The following DLGAP1 variants were observed in gnomAD, a reference collection of about 807,000 sequenced individuals.
DLGAP1 encodes DLG associated protein 1, also known as disks large-associated protein 1.
DLGAP1 carries 11 observed loss-of-function variants against 90.8 expected under a neutral mutation model. The observed-to-expected ratio is 0.12, with a 90% CI of 0.08 to 0.20. The LOEUF (loss-of-function observed/expected upper bound fraction) is 0.20, where lower values mean the gene tolerates loss of function less well. DLGAP1 is among the 10% of genes least tolerant of loss of function. DLGAP1 has a pLI of 1.00. For missense variants in DLGAP1, 1,050 were observed against 1,333.8 expected, an observed-to-expected ratio of 0.79 and a Z score of 3.31; for synonymous variants, 558 against 540.7, an observed-to-expected ratio of 1.03 and a Z score of -0.44.
chr18:3,725,684 A>G (rs2147402991), intron 7 of DLGAP1, among the ~76,000 whole-genome samples: 1 of 152,358 alleles, frequency 6.6e-6, no homozygotes, highest in South Asian at 2.1e-4. Context: ...TGCTTGAAGT[A>G]GATTACAGGC....
At chr18:3,718,697 G>T (rs561087258) in intron 7 of DLGAP1, among the ~76,000 whole-genome samples, 1 of 151,922 alleles carries the variant, frequency 6.6e-6, no homozygotes, top group Non-Finnish European at 1.5e-5. Context: ...GGGTCGAGGC[G>T]GGTGGATCGC....
intron 2 of DLGAP1, among the ~76,000 whole-genome samples, chr18:4,121,742 C>T (rs927586501): frequency 5.3e-5 from 8 of 152,192 alleles, no homozygotes; most frequent in African/African-American, 1.7e-4. Context: ...GCAGTGGTCC[C>T]TGTACCCATC....
At chr18:3,760,341 G>A (rs1371795839) in intron 5 of DLGAP1, among the ~76,000 whole-genome samples, 1 of 152,176 alleles carries the variant, frequency 6.6e-6, no homozygotes, top group Non-Finnish European at 1.5e-5. Context: ...GACCTGCCGA[G>A]TTCTGCTCCT....
At chr18:3,742,198 A>G (rs1287905107) in intron 6 of DLGAP1, 137 bp downstream of exon 6, 5 of 1,104,414 alleles carry the variant, frequency 4.5e-6, no homozygotes, top group South Asian at 1.6e-5. Context: ...TCTTTGCAGC[A>G]CTTGACTGGA....
intron 4 of DLGAP1, among the ~76,000 whole-genome samples, chr18:3,815,515 T>G: frequency 6.6e-6 from 1 of 152,202 alleles, no homozygotes; most frequent in East Asian, 1.9e-4. Context: ...GTCTGAATTG[T>G]TCCTTTCCTT....
chr18:3,873,544 A>T (rs1199470953), intron 4 of DLGAP1, among the ~76,000 whole-genome samples: 1 of 152,210 alleles, frequency 6.6e-6, no homozygotes, highest in Non-Finnish European at 1.5e-5. Flanking sequence ...ATTGCATGTA[A>T]AGTAGTTTTA....
At chr18:3,603,520 G>A (rs1475538064) in intron 7 of DLGAP1, 1 of 152,176 alleles carries the variant, frequency 6.6e-6, no homozygotes, top group Non-Finnish European at 1.5e-5. Context: ...TGATGGTCAA[G>A]AAAAGAGGCT....
intron 8 of DLGAP1, among the ~76,000 whole-genome samples, chr18:3,578,974 C>T (rs534631603): frequency 9.9e-5 from 15 of 152,210 alleles, no homozygotes; most frequent in Non-Finnish European, 1.3e-4. Context: ...GAGATAATGT[C>T]TCAAGTAAAA....
intron 5 of DLGAP1, among the ~76,000 whole-genome samples, chr18:3,782,335 C>T (rs1458453737): frequency 1.3e-5 from 2 of 152,168 alleles, no homozygotes; most frequent in Non-Finnish European, 1.5e-5. Flanking sequence ...CGGGGTTTCA[C>T]CATGTTGGTC....
chr18:3,714,664 T>A (rs994607563), intron 7 of DLGAP1, among the ~76,000 whole-genome samples: 1 of 106,254 alleles, frequency 9.4e-6, no homozygotes, highest in Non-Finnish European at 1.9e-5. Context: ...TTTTTTTTTT[T>A]AGAGGGAGTC....
At chr18:4,341,315 C>T (rs549027651) in intron 1 of DLGAP1, among the ~76,000 whole-genome samples, 1 of 152,158 alleles carries the variant, frequency 6.6e-6, no homozygotes, top group South Asian at 2.1e-4. Flanking sequence ...ACAAAAATCG[C>T]TTATGTACTA....
At chr18:3,960,474 G>T (rs1486920181) in intron 3 of DLGAP1, among the ~76,000 whole-genome samples, 2 of 151,688 alleles carry the variant, frequency 1.3e-5, no homozygotes, top group African/African-American at 2.4e-5. Flanking sequence ...GGAAGAGGGG[G>T]TTGATGGGGG....
At chr18:3,616,806 T>C (rs2057890411) in intron 7 of DLGAP1, among the ~76,000 whole-genome samples, 1 of 152,060 alleles carries the variant, frequency 6.6e-6, no homozygotes, top group Admixed American at 6.6e-5. Context: ...GTGGACGAAT[T>C]CCCTTTTCCT....
intron 2 of DLGAP1, among the ~76,000 whole-genome samples, chr18:4,142,712 C>G (rs2076514935): frequency 6.6e-6 from 1 of 152,108 alleles, no homozygotes; most frequent in Admixed American, 6.5e-5. Context: ...GATTAAAAGG[C>G]TTGTTTGTAC....
intron 2 of DLGAP1, among the ~76,000 whole-genome samples, chr18:4,047,322 A>G (rs2075068853): frequency 6.6e-6 from 1 of 152,258 alleles, no homozygotes; most frequent in Non-Finnish European, 1.5e-5. Flanking sequence ...TTTGCTTATT[A>G]TGCAAAACAT....
At chr18:4,165,325 T>C (rs1056477607) in intron 1 of DLGAP1, among the ~76,000 whole-genome samples, 1 of 151,992 alleles carries the variant, frequency 6.6e-6, no homozygotes, top group South Asian at 2.1e-4. Context: ...GGCAAAACGG[T>C]TTTCAAGTGA....
chr18:4,021,667 G>T (rs2074612502), intron 2 of DLGAP1, among the ~76,000 whole-genome samples: 1 of 151,902 alleles, frequency 6.6e-6, no homozygotes, highest in African/African-American at 2.4e-5. Flanking sequence ...GCGCGATCTT[G>T]GCTCACTACA....
intron 1 of DLGAP1, among the ~76,000 whole-genome samples, chr18:4,317,849 C>T (rs1265136342): frequency 6.6e-6 from 1 of 152,176 alleles, no homozygotes; most frequent in Admixed American, 6.5e-5. Context: ...CTTTCCTTTT[C>T]TTTCTCTCTC....
At chr18:3,628,056 A>G (rs1431403080) in intron 7 of DLGAP1, among the ~76,000 whole-genome samples, 7 of 151,600 alleles carry the variant, frequency 4.6e-5, no homozygotes, top group Admixed American at 4.6e-4. Flanking sequence ...TTGTATTTTT[A>G]GTAGAGATGG....
Sources: gnomAD v4.1 joint callset for allele counts (sites outside exome capture counted in the v4.1 genomes callset) on GRCh38, gnomAD v4.1.1 for gene constraint, MANE v1.5 for transcripts, NCBI Gene and HGNC (gene_info 2026-07-23, HGNC 2026-07-21) for gene names.